Variants in PTPRN2 observed in about 807,000 individuals in gnomAD.
PTPRN2 encodes protein tyrosine phosphatase receptor type N2, also known as receptor-type tyrosine-protein phosphatase N2.
PTPRN2 carries 74 observed loss-of-function variants against 118.8 expected under a neutral mutation model. The observed-to-expected ratio is 0.62, with a 90% CI of 0.52 to 0.76. PTPRN2 has a LOEUF of 0.76. Ranked by LOEUF, PTPRN2 falls within the 30% of genes least tolerant of loss-of-function variation. The probability of loss-of-function intolerance (pLI) is 0.00; values close to 1 mark genes in which losing one functional copy is unlikely to be tolerated. For synonymous variants in PTPRN2, 641 were observed against 608.0 expected (o/e 1.05, Z -0.80); for missense variants, 1,481 against 1,394.4 (o/e 1.06, Z -0.99).
At chr7:157,751,889 G>A (rs1254425326) in intron 12 of PTPRN2, among the ~76,000 whole-genome samples, 2 of 152,104 alleles carry the variant, frequency 1.3e-5, no homozygotes, top group Non-Finnish European at 2.9e-5. Flanking sequence ...AGAGACCACC[G>A]TGAACACATC....
chr7:157,752,589 G>A (rs536959668), intron 12 of PTPRN2, among the ~76,000 whole-genome samples: 15 of 152,242 alleles, frequency 9.9e-5, no homozygotes, highest in Non-Finnish European at 2.1e-4. Flanking sequence ...GCCCATCCTC[G>A]TCTTATCAAA....
chr7:157,587,994 C>A lies in PTPRN2; in HGVS notation c.2496+7244G>T, dbSNP rs932247737. On this transcript the variant is annotated intron_variant, in intron 17 of 22. Coordinates refer to ENST00000389418, the MANE Select transcript of PTPRN2 (RefSeq NM_002847.5). This position sits in a 1 kb window ranked among gnomAD's most constrained non-coding sequence, Gnocchi z 5.3. ...CCTGGGCTCCCGCGGTGGCTGTCCC[C>A]GTGCCTGGGCTCCCGCGGTGGCTGT... 6.7e-6 allele frequency among the ~76,000 whole-genome samples: 1 copy of A among 149,848 alleles called. No individual in the cohort carries two copies. The highest frequency in any genetic ancestry group is 1.5e-5 in the Non-Finnish European group (1 of 67,310).
intron 14 of PTPRN2, among the ~76,000 whole-genome samples, chr7:157,639,750 C>G (rs1323583418): frequency 6.6e-6 from 1 of 152,208 alleles, no homozygotes; most frequent in Non-Finnish European, 1.5e-5. Flanking sequence ...GAGCTGGACC[C>G]GAGCCCCCCA....
intron 19 of PTPRN2, among the ~76,000 whole-genome samples, chr7:157,574,679 C>T (rs757260609): frequency 3.9e-5 from 6 of 152,324 alleles, no homozygotes; most frequent in Middle Eastern, 3.4e-3. Context: ...AGAGTGAGAA[C>T]GCGTCGTCTA....
At chr7:158,186,208 C>T (rs1033650591) in intron 5 of PTPRN2, among the ~76,000 whole-genome samples, 14 of 152,356 alleles carry the variant, frequency 9.2e-5, no homozygotes, top group East Asian at 3.9e-4. Context: ...CATTCCAATG[C>T]GCATGAAAGA....
At chr7:158,469,122 T>TGGATCAACAGAATG (rs1301344649) in intron 2 of PTPRN2, among the ~76,000 whole-genome samples, 2 of 151,792 alleles carry the variant, frequency 1.3e-5, no homozygotes. Context: ...ATCAACAGTG[T>TGGATCAACAGAATG]CAGGCTTTCA....
At chr7:158,293,520 G>C (rs978582956) in intron 3 of PTPRN2, among the ~76,000 whole-genome samples, 2 of 151,870 alleles carry the variant, frequency 1.3e-5, no homozygotes, top group African/African-American at 2.4e-5. Context: ...AGGTTGCAGT[G>C]AGCTGAGATC....
chr7:158,245,136 G>T (rs370739690), intron 3 of PTPRN2, among the ~76,000 whole-genome samples: 2 of 152,070 alleles, frequency 1.3e-5, no homozygotes, highest in African/African-American at 2.4e-5. Context: ...GCCGGAATCC[G>T]TGGTCATGCC....
At chr7:157,731,003 T>C (rs115892097) in intron 12 of PTPRN2, among the ~76,000 whole-genome samples, 3,943 of 151,908 alleles carry the variant, frequency 0.026, 146 homozygotes, top group African/African-American at 0.088. Flanking sequence ...GAAGAGAAAA[T>C]GGAGGTGCCA....
chr7:158,221,588 A>G (rs1193765052), intron 3 of PTPRN2, among the ~76,000 whole-genome samples: 1 of 152,242 alleles, frequency 6.6e-6, no homozygotes, highest in Non-Finnish European at 1.5e-5. Flanking sequence ...ATCATGATGG[A>G]AGGTGAAAAG....
chr7:157,720,618 G>A (rs1799181021), intron 12 of PTPRN2, among the ~76,000 whole-genome samples: 1 of 152,260 alleles, frequency 6.6e-6, no homozygotes, highest in Non-Finnish European at 1.5e-5. Context: ...CGTGAATCAT[G>A]TGGCTTCCAC....
chr7:157,576,872 C>G (rs221301), intron 18 of PTPRN2, 93 bp from the exon 19 acceptor site: 1,042,499 of 1,302,230 alleles, frequency 0.8, 419,188 homozygotes, highest in South Asian at 0.82. Context: ...CACGTCTGAC[C>G]AGAGAAGGGG....
At chr7:158,238,821 C>T (rs1183385365) in intron 3 of PTPRN2, among the ~76,000 whole-genome samples, 1 of 152,140 alleles carries the variant, frequency 6.6e-6, no homozygotes, top group Non-Finnish European at 1.5e-5. Context: ...AAGTCTGGAG[C>T]AACAAGGCCC....
intron 2 of PTPRN2, among the ~76,000 whole-genome samples, chr7:158,350,751 C>G (rs1209335753): frequency 6.6e-6 from 1 of 152,148 alleles, no homozygotes; most frequent in Admixed American, 6.5e-5. Flanking sequence ...AGGCCAGTGC[C>G]TCGCCTCACC....
intron 14 of PTPRN2, among the ~76,000 whole-genome samples, chr7:157,649,714 G>A (rs1423024715): frequency 6.8e-6 from 1 of 147,712 alleles, no homozygotes; most frequent in Non-Finnish European, 1.5e-5. Context: ...CACTGAACTC[G>A]GTGGGTCGGA....
intron 12 of PTPRN2, among the ~76,000 whole-genome samples, chr7:157,726,730 G>T (rs1452544077): frequency 6.6e-6 from 1 of 152,220 alleles, no homozygotes; most frequent in Non-Finnish European, 1.5e-5. Context: ...CATATAAAGG[G>T]GGAAAAGATT....
chr7:157,720,514 G>A (rs763617731), intron 12 of PTPRN2, among the ~76,000 whole-genome samples: 2 of 152,234 alleles, frequency 1.3e-5, no homozygotes, highest in Admixed American at 6.5e-5. Context: ...TCCAGCGGCC[G>A]ACCCTGCTTC....
rs1804344366 is a variant in PTPRN2, at chr7:157,992,767, G to A, written c.1723+88531C>T. On this transcript the variant is annotated intron_variant, in intron 11 of 22. Transcript: ENST00000389418. ...CACAGGACAGCCGAGCTTGTGGACT[G>A]TCCTCCAGAGTCCAGCTGGAATCAC... 2.0e-5 allele frequency among the ~76,000 whole-genome samples: 3 copies of A among 152,222 alleles called. No homozygotes were observed. In the South Asian group the frequency reaches 6.2e-4, roughly 32 times the overall value.
intron 11 of PTPRN2, among the ~76,000 whole-genome samples, chr7:158,078,876 C>T (rs760893729): frequency 6.6e-6 from 1 of 152,204 alleles, no homozygotes; most frequent in Non-Finnish European, 1.5e-5. Context: ...GAGACAGGGT[C>T]TCCCTCTGTG....
Sources: allele counts gnomAD v4.1 joint callset (sites outside exome capture counted in the v4.1 genomes callset), GRCh38; gene constraint gnomAD v4.1.1; non-coding constraint Gnocchi (gnomAD v3.1); transcripts MANE v1.5; gene names NCBI Gene and HGNC (gene_info 2026-07-23, HGNC 2026-07-21).